PCDHA6: variants seen among roughly 807,000 people sequenced by gnomAD.
PCDHA6 encodes protocadherin alpha-6.
PCDHA6 carries 55 observed loss-of-function variants against 60.3 expected under a neutral mutation model. The ratio of observed to expected loss-of-function variants is 0.91; its 90% CI spans 0.73 to 1.14. The LOEUF is 1.14. Among genes scored for constraint, PCDHA6 ranks in the 50% most tolerant of loss-of-function variants. The pLI is 0.00. For synonymous variants in PCDHA6, 652 were observed against 557.9 expected (o/e 1.17, Z -2.38); for missense variants, 1,327 against 1,256.5 (o/e 1.06, Z -0.85).
At chr5:140,877,225 G>A in intron 1 of PCDHA6, 1 of 1,613,746 alleles carries the variant, frequency 6.2e-7, no homozygotes. Context: ...ACCGCGGTCG[G>A]TGGGTGCGGG....
chr5:140,876,195 G>T lies in PCDHA6; in HGVS notation c.2394+45710G>T, dbSNP rs1554168359. On this transcript the variant is annotated intron_variant, in intron 1 of 3. Transcript: ENST00000529310. The stretch of plus-strand genomic sequence containing the variant: ...TGGATGTGAATGACAATGGTCCGGC[G>T]TTTGATAAGCCCAGCTATAAAGTAG... 4 of 1,613,946 alleles carry T rather than the reference G, an allele frequency of 2.5e-6. No homozygotes were observed. In the South Asian group the frequency reaches 4.4e-5, roughly 18 times the overall value.
At position 140,828,267 on chromosome 5, in the gene PCDHA6, T is replaced by C. The variant is rs2150153311; in HGVS notation, c.176T>C (p.Leu59Pro). The C allele has an allele frequency of 5.0e-6, 8 of 1,613,938 alleles. No individual in the cohort carries two copies. The South Asian group carries it at 8.8e-5, about 18-fold the overall frequency. ...GACCTGGGGCTGGAGCTGGCGGAGC[T>C]GGTGCCGCGCCTGTTCAGGATGGCC... The part of the protein sequence containing the change: ...AQDLGLELAE[L>P]VPRLFRMASK... Residue 59 changes from leucine to proline, a missense_variant, in exon 1 of 4, where the codon CTG becomes CCG. By Grantham distance (98) the Leu-to-Pro change is moderately conservative. Transcript: ENST00000529310.
chr5:140,930,466 T>C (rs2086864823), intron 1 of PCDHA6: 1 of 152,352 alleles, frequency 6.6e-6, no homozygotes. Context: ...CAAGTGATCC[T>C]CCCACCTAGG....
intron 1 of PCDHA6, chr5:140,851,333 T>C: frequency 5.1e-6 from 5 of 974,938 alleles, no homozygotes; most frequent in Non-Finnish European, 6.3e-6. Flanking sequence ...TTTGTAGTTC[T>C]CTACATTTCT....
intron 1 of PCDHA6, among the ~76,000 whole-genome samples, chr5:140,833,243 A>G (rs1356488600): frequency 6.6e-6 from 1 of 152,204 alleles, no homozygotes; most frequent in Non-Finnish European, 1.5e-5. Context: ...AGCTACTGCA[A>G]TACACCAGGA....
intron 1 of PCDHA6, chr5:140,928,452 G>C: frequency 6.2e-7 from 1 of 1,614,126 alleles, no homozygotes; most frequent in Non-Finnish European, 8.5e-7. Context: ...AGCTCAGGGG[G>C]TTTCATTTCC....
rs1158544001 is a variant in PCDHA6 at position 140,828,278 on chromosome 5, C to A, written c.187C>A (p.Leu63Met). The A allele has an allele frequency of 2.5e-6, 4 of 1,613,994 alleles. No homozygotes were observed. The highest frequency in any genetic ancestry group is 3.4e-6 in the Non-Finnish European group (4 of 1,180,058). ...GGAGCTGGCGGAGCTGGTGCCGCGC[C>A]TGTTCAGGATGGCCTCCAAAGACCG... The part of the protein sequence containing the change: ...GLELAELVPR[L>M]FRMASKDRED... The change falls in exon 1 of 4, where the codon CTG (leucine) becomes ATG (methionine). Residue 63 changes from leucine to methionine, a missense_variant. By Grantham distance (15) the Leu-to-Met change is conservative. Coordinates refer to ENST00000529310, the MANE Select transcript of PCDHA6 (RefSeq NM_018909.4).
chr5:140,988,324 C>T (rs2097292768), intron 3 of PCDHA6, among the ~76,000 whole-genome samples: 1 of 152,206 alleles, frequency 6.6e-6, no homozygotes, highest in African/African-American at 2.4e-5. Flanking sequence ...CTTTCTCTAC[C>T]CGAGGAAAGT....
At chr5:140,985,228 C>T (rs1022229644) in intron 3 of PCDHA6, among the ~76,000 whole-genome samples, 2 of 152,156 alleles carry the variant, frequency 1.3e-5, no homozygotes, top group Admixed American at 6.5e-5. Flanking sequence ...TGAGCCACCG[C>T]GCCTGGCCTA....
At chr5:140,982,296 C>A in intron 2 of PCDHA6, 179 bp from the exon 3 acceptor site, 1 of 1,167,132 alleles carries the variant, frequency 8.6e-7, no homozygotes, top group Non-Finnish European at 1.2e-6. Flanking sequence ...AGTAAGTCAG[C>A]AATGCTTCTG....
intron 1 of PCDHA6, among the ~76,000 whole-genome samples, chr5:140,881,594 A>C (rs1464236535): frequency 6.6e-6 from 1 of 152,244 alleles, no homozygotes; most frequent in Non-Finnish European, 1.5e-5. Flanking sequence ...AGGGAAATTT[A>C]TTAATATGAT....
intron 1 of PCDHA6, chr5:140,852,936 T>A: frequency 1.7e-6 from 1 of 599,096 alleles, no homozygotes; most frequent in Non-Finnish European, 2.2e-6. Flanking sequence ...TGGAGTGCAG[T>A]GGTGCCATCT....
At chr5:140,836,601 G>A (rs1774608551) in intron 1 of PCDHA6, 1 of 1,613,748 alleles carries the variant, frequency 6.2e-7, no homozygotes, top group Non-Finnish European at 8.5e-7. Context: ...GCCCACTCTG[G>A]TGTGCTCCAG....
intron 1 of PCDHA6, chr5:140,966,556 A>C (rs2096021446): frequency 8.5e-6 from 4 of 469,720 alleles, no homozygotes; most frequent in Admixed American, 8.7e-5. Context: ...CGAGCGGAGG[A>C]GCTGGAATAT....
chr5:140,829,375 G>A lies in PCDHA6; in HGVS notation c.1284G>A (p.Arg428=), dbSNP rs1770260995. Residue 428 remains arginine, a synonymous_variant, in exon 1 of 4, where the codon CGG becomes CGA. Coordinates refer to ENST00000529310, the MANE Select transcript of PCDHA6 (RefSeq NM_018909.4). ...VSAYELVVTA[R]DGGSPSLWAT... Reference sequence around the variant, plus strand: ...CCTATGAGTTGGTGGTAACCGCGCGGGACGGGGGCTCGCCTTCGCTGTGGG... The same window carrying A: ...CCTATGAGTTGGTGGTAACCGCGCGAGACGGGGGCTCGCCTTCGCTGTGGG... The A allele has an allele frequency of 2.5e-6, 4 of 1,614,026 alleles. No individual in the cohort carries two copies. Among genetic ancestry groups the A allele is most frequent in the East Asian group, 2.2e-5 (1 of 44,888 alleles).
intron 1 of PCDHA6, among the ~76,000 whole-genome samples, chr5:140,960,717 T>TATTTTAGTCCATG (rs1244851083): frequency 3.3e-5 from 1 of 30,264 alleles, no homozygotes; most frequent in Non-Finnish European, 6.2e-5. Flanking sequence ...ATACTCATCT[T>TATTTTAGTCCATG]ATTTTAGTCC....
At chr5:140,916,261 A>C (rs2077497892) in intron 1 of PCDHA6, among the ~76,000 whole-genome samples, 1 of 152,168 alleles carries the variant, frequency 6.6e-6, no homozygotes. Context: ...GGACCCCAAG[A>C]GCATGCTTGT....
chr5:140,935,561 T>C (rs1184981109), intron 1 of PCDHA6, among the ~76,000 whole-genome samples: 3 of 152,218 alleles, frequency 2.0e-5, no homozygotes, highest in African/African-American at 7.2e-5. Context: ...TTGGAAAAGT[T>C]CCTCTCTGTG....
chr5:140,862,503 A>T (rs2047399158), intron 1 of PCDHA6: 5 of 398,958 alleles, frequency 1.3e-5, no homozygotes, highest in Non-Finnish European at 2.5e-5. Context: ...CGGAATGGGG[A>T]CTCGCTTTCA....
Sources: gnomAD v4.1 joint callset for allele counts (sites outside exome capture counted in the v4.1 genomes callset) on GRCh38, gnomAD v4.1.1 for gene constraint, MANE v1.5 for transcripts, NCBI Gene and HGNC (gene_info 2026-07-23, HGNC 2026-07-21) for gene names.